Variants in ARPP21 observed in about 807,000 individuals in gnomAD.
ARPP21 encodes cAMP regulated phosphoprotein 21, also known as cAMP-regulated phosphoprotein 21.
In ARPP21, 69 loss-of-function variants were observed where a neutral mutation model predicts 113.2. The ratio of observed to expected loss-of-function variants is 0.61; its 90% CI spans 0.50 to 0.74. The LOEUF (loss-of-function observed/expected upper bound fraction) is 0.74, where lower values mean the gene tolerates loss of function less well. Ranked by LOEUF, ARPP21 falls within the 30% of genes least tolerant of loss-of-function variation. The probability of loss-of-function intolerance (pLI) is 0.00; values close to 1 mark genes in which losing one functional copy is unlikely to be tolerated. For synonymous variants in ARPP21, 368 were observed against 375.5 expected (o/e 0.98, Z 0.23); for missense variants, 1,070 against 1,037.4 (o/e 1.03, Z -0.43).
At chr3:35,723,189 G>C (rs1191427812) in intron 14 of ARPP21, among the ~76,000 whole-genome samples, 1 of 152,148 alleles carries the variant, frequency 6.6e-6, no homozygotes, top group Non-Finnish European at 1.5e-5. Context: ...GGCTGCCCTG[G>C]ACTGTGGATA....
At chr3:35,746,197 T>C (rs555697656) in intron 19 of ARPP21, among the ~76,000 whole-genome samples, 1 of 152,290 alleles carries the variant, frequency 6.6e-6, no homozygotes, top group South Asian at 2.1e-4. Flanking sequence ...ACCACAGTGA[T>C]GAATGTACCT....
chr3:35,685,604 A>G, intron 5 of ARPP21: 3 of 985,338 alleles, frequency 3.0e-6, no homozygotes, highest in Non-Finnish European at 3.6e-6. Flanking sequence ...AATTCACAGT[A>G]TTTGGAAAAC....
chr3:35,685,884 C>T, intron 5 of ARPP21: 2 of 646,292 alleles, frequency 3.1e-6, no homozygotes, highest in Non-Finnish European at 3.8e-6. Context: ...TTGTTTTTTA[C>T]CAACTCTATA....
At chr3:35,744,462 A>C (rs2094890547) in intron 19 of ARPP21, 1 of 527,886 alleles carries the variant, frequency 1.9e-6, no homozygotes, top group East Asian at 5.6e-5. Context: ...TCCTGCCCAG[A>C]GCCCGGCAGC....
At position 35,750,991 on chromosome 3, in the gene ARPP21, A is replaced by C. The variant is rs1018740167; in HGVS notation, c.2137+7026A>C. Reference sequence around the variant, plus strand: ...CAGTAATACTACTTTAGGTTTAGGTAGAGGAGTGATGAAGTTGACCGTTTA... The same window carrying C: ...CAGTAATACTACTTTAGGTTTAGGTCGAGGAGTGATGAAGTTGACCGTTTA... On this transcript the variant is annotated intron_variant, in intron 19 of 20. Transcript: ENST00000684406. Among the ~76,000 whole-genome samples, 3 of 152,178 alleles carry C rather than the reference A, an allele frequency of 2.0e-5. No individual in the cohort carries two copies. The East Asian group carries it at 5.8e-4, about 29-fold the overall frequency.
chr3:35,757,741 A>G (rs921678625), intron 19 of ARPP21, among the ~76,000 whole-genome samples: 4 of 152,116 alleles, frequency 2.6e-5, no homozygotes, highest in African/African-American at 9.7e-5. Context: ...TCTGCCTTTG[A>G]GCCTATGTAT....
intron 1 of ARPP21, chr3:35,640,992 G>A (rs575141077): frequency 6.6e-6 from 1 of 152,174 alleles, no homozygotes; most frequent in Non-Finnish European, 1.5e-5. Flanking sequence ...TATAGCTGAG[G>A]TGGATGTGGT....
chr3:35,738,941 G>A (rs534377384), intron 17 of ARPP21, among the ~76,000 whole-genome samples: 2 of 152,146 alleles, frequency 1.3e-5, no homozygotes, highest in African/African-American at 2.4e-5. Context: ...GGGTGTTCTC[G>A]AGAGGCAAAT....
chr3:35,756,166 G>A (rs776773134), intron 19 of ARPP21, among the ~76,000 whole-genome samples: 4 of 151,994 alleles, frequency 2.6e-5, no homozygotes, highest in Admixed American at 1.3e-4. Context: ...TACCAAGAGC[G>A]CTTCTGTCCA....
chr3:35,777,251 G>A (rs766806905), intron 19 of ARPP21, among the ~76,000 whole-genome samples: 3 of 152,168 alleles, frequency 2.0e-5, no homozygotes, highest in African/African-American at 4.8e-5. Flanking sequence ...GAAACTAATG[G>A]TAACTACTAC....
intron 11 of ARPP21, among the ~76,000 whole-genome samples, chr3:35,710,542 A>AACACACAC (rs3086903): frequency 4.9e-4 from 65 of 132,964 alleles, no homozygotes; most frequent in African/African-American, 7.4e-4. Flanking sequence ...CTCTCTCTCA[A>AACACACAC]ACACACACAC....
chr3:35,764,422 T>C (rs1028680359), intron 19 of ARPP21, among the ~76,000 whole-genome samples: 1 of 152,154 alleles, frequency 6.6e-6, no homozygotes, highest in Non-Finnish European at 1.5e-5. Context: ...GGCAAAAGAT[T>C]TTATGAGGTT....
rs947782935 is a variant in ARPP21 at position 35,641,404 on chromosome 3, C to G, written c.-213+1006C>G. ...TAAGTAAACAGAGAAGTGGAGATGA[C>G]AGGAAATCATTTTTCATTTGTTAAA... On this transcript the variant is annotated intron_variant, in intron 1 of 20. Transcript: ENST00000684406. 3.9e-5 allele frequency: 6 copies of G among 152,266 alleles called. No individual in the cohort carries two copies. In the East Asian group the frequency reaches 1.2e-3, roughly 29 times the overall value. The allele number at this position is 152,266 out of a possible 1,614,324, so 9.4% of individuals were successfully genotyped here.
At chr3:35,779,025 T>C (rs1047424687) in intron 19 of ARPP21, among the ~76,000 whole-genome samples, 6 of 152,164 alleles carry the variant, frequency 3.9e-5, no homozygotes, top group Non-Finnish European at 5.9e-5. Context: ...GAGCTGATAG[T>C]TTTAAAAGAG....
At position 35,721,826 on chromosome 3, in the gene ARPP21, C is replaced by A. The variant is rs2093098085; in HGVS notation, c.1217C>A (p.Ser406Tyr). ...AGTACTAGGAGTACCGGGAAGCTGT[C>A]CAAAGCAGGTAGTTAGTACTGAATG... ...TSSTRSTGKL[S>Y]KAGSESSSSA... Residue 406 changes from serine to tyrosine, a missense_variant, in exon 14 of 21, where the codon TCC becomes TAC. By Grantham distance (144) the Ser-to-Tyr change is moderately radical. Coordinates refer to ENST00000684406, the MANE Select transcript of ARPP21 (RefSeq NM_001385562.1). 2 of 1,601,614 alleles carry A rather than the reference C, an allele frequency of 1.2e-6. No individual in the cohort carries two copies. Among genetic ancestry groups the A allele is most frequent in the Admixed American group, 1.7e-5 (1 of 58,868 alleles).
intron 9 of ARPP21, among the ~76,000 whole-genome samples, chr3:35,696,957 C>T (rs2084295138): frequency 6.6e-6 from 1 of 151,418 alleles, no homozygotes; most frequent in Admixed American, 6.6e-5. Context: ...TATTTTTAAC[C>T]TTCCTCTTCT....
chr3:35,725,049 A>T (rs1394837875), intron 14 of ARPP21, among the ~76,000 whole-genome samples: 1 of 152,186 alleles, frequency 6.6e-6, no homozygotes, highest in African/African-American at 2.4e-5. Context: ...TTAGAGAGAG[A>T]ACTGAGCTCC....
intron 1 of ARPP21, among the ~76,000 whole-genome samples, chr3:35,651,246 G>A (rs954284744): frequency 1.3e-5 from 2 of 151,994 alleles, no homozygotes; most frequent in African/African-American, 4.8e-5. Flanking sequence ...GATATTTGGA[G>A]GCAGAGAGAT....
chr3:35,762,126 T>TCTCACACACACA (rs1424526664), intron 19 of ARPP21, among the ~76,000 whole-genome samples: 23 of 127,034 alleles, frequency 1.8e-4, no homozygotes, highest in African/African-American at 6.3e-4. Context: ...TCTCTCTCTC[T>TCTCACACACACA]CACACACACA....
Sources: allele counts gnomAD v4.1 joint callset (sites outside exome capture counted in the v4.1 genomes callset), GRCh38; gene constraint gnomAD v4.1.1; transcripts MANE v1.5; gene names NCBI Gene and HGNC (gene_info 2026-07-23, HGNC 2026-07-21).